Variants in PRKDC observed in about 807,000 individuals in gnomAD.
PRKDC encodes DNA-dependent protein kinase catalytic subunit.
A neutral mutation model predicts 486.9 loss-of-function variants in PRKDC; 82 were observed. The observed-to-expected ratio is 0.17, with a 90% CI of 0.14 to 0.20. PRKDC has a LOEUF of 0.20. Ranked by LOEUF, PRKDC falls within the 10% of genes least tolerant of loss-of-function variation. The probability of loss-of-function intolerance (pLI) is 1.00; values close to 1 mark genes in which losing one functional copy is unlikely to be tolerated. For synonymous variants in PRKDC, 1,895 were observed against 1,837.0 expected (o/e 1.03, Z -0.81); for missense variants, 4,504 against 5,038.2 (o/e 0.89, Z 3.21).
intron 56 of PRKDC, among the ~76,000 whole-genome samples, chr8:47,838,563 A>C (rs892209517): frequency 2.0e-5 from 3 of 152,138 alleles, no homozygotes; most frequent in Non-Finnish European, 4.4e-5. Flanking sequence ...AGTGAGCTAC[A>C]GTTACACTAC....
rs371346677 is a variant in PRKDC, at chr8:47,836,434, G to C, written c.7855C>G (p.Arg2619Gly). 1.2e-6 allele frequency: 2 copies of C among 1,612,940 alleles called. No individual in the cohort carries two copies. Among genetic ancestry groups the C allele is most frequent in the East Asian group, 4.5e-5 (2 of 44,852 alleles). Residue 2619 changes from arginine (R) to glycine (G), a missense_variant, in exon 58 of 86, where the codon CGT becomes GGT. By Grantham distance (125) the Arg-to-Gly change is moderately radical. Coordinates refer to ENST00000314191, the MANE Select transcript of PRKDC (RefSeq NM_006904.7). ...TQASQGTLQT[R>G]TQEGSLSARW... ...GCTGAGAGGGACCCTTCCTGGGTAC[G>C]GGTCTGGAGAGTGCCCTGGGAGGCC...
intron 63 of PRKDC, among the ~76,000 whole-genome samples, chr8:47,825,541 T>TAAAAAAAAAA (rs2087720243): frequency 7.8e-6 from 1 of 128,536 alleles, no homozygotes; most frequent in African/African-American, 3.1e-5. Context: ...AAAGCTAAAC[T>TAAAAAAAAAA]ATGTTCACAA....
chr8:47,870,443 T>C (rs1002620662), intron 40 of PRKDC, among the ~76,000 whole-genome samples: 2 of 152,196 alleles, frequency 1.3e-5, no homozygotes, highest in African/African-American at 4.8e-5. Flanking sequence ...ACCACTAAGG[T>C]GGTACCTCTA....
At chr8:47,825,053 TCAG>T (rs1248919333) in intron 63 of PRKDC, among the ~76,000 whole-genome samples, 4 of 152,250 alleles carry the variant, frequency 2.6e-5, no homozygotes, top group South Asian at 4.1e-4. Context: ...GGGTAATAAA[TCAG>T]CAGTAAAGGT....
intron 40 of PRKDC, among the ~76,000 whole-genome samples, chr8:47,873,106 C>T (rs1186341073): frequency 6.6e-6 from 1 of 151,582 alleles, no homozygotes; most frequent in African/African-American, 2.4e-5. Flanking sequence ...ATAAATTGTA[C>T]AGCCAGTATG....
intron 30 of PRKDC, among the ~76,000 whole-genome samples, chr8:47,896,416 G>C (rs1327442719): frequency 2.0e-5 from 3 of 152,056 alleles, no homozygotes; most frequent in Non-Finnish European, 2.9e-5. Context: ...GGGAGGCCAA[G>C]GCGGGTGGAT....
intron 7 of PRKDC, among the ~76,000 whole-genome samples, chr8:47,953,131 ACT>A (rs2090652659): frequency 1.3e-5 from 2 of 151,340 alleles, no homozygotes; most frequent in Admixed American, 1.3e-4. Context: ...ACGGAGCGAG[ACT>A]CTGTTTAAAA....
chr8:47,789,609 G>A (rs983723622), intron 74 of PRKDC, among the ~76,000 whole-genome samples: 3 of 152,010 alleles, frequency 2.0e-5, no homozygotes, highest in African/African-American at 7.2e-5. Flanking sequence ...CAAATAAAAG[G>A]AAAACTACAG....
chr8:47,780,539 T>A (rs1407178443), intron 80 of PRKDC, among the ~76,000 whole-genome samples: 2 of 152,236 alleles, frequency 1.3e-5, no homozygotes, highest in Admixed American at 6.5e-5. Flanking sequence ...TTCAATCACT[T>A]CAGGTGAAAT....
chr8:47,812,867 C>G (rs964866429), intron 68 of PRKDC, among the ~76,000 whole-genome samples: 2 of 151,776 alleles, frequency 1.3e-5, no homozygotes, highest in Non-Finnish European at 2.9e-5. Context: ...AAAAAGAGAA[C>G]ACAAATAACC....
intron 21 of PRKDC, among the ~76,000 whole-genome samples, chr8:47,926,387 T>A (rs1384042437): frequency 6.6e-6 from 1 of 152,202 alleles, no homozygotes; most frequent in Non-Finnish European, 1.5e-5. Flanking sequence ...ACTTAATGTT[T>A]CCAAGCCAAT....
intron 29 of PRKDC, among the ~76,000 whole-genome samples, chr8:47,897,512 G>A (rs923064177): frequency 6.6e-6 from 1 of 152,142 alleles, no homozygotes; most frequent in Non-Finnish European, 1.5e-5. Context: ...TTTTTCATGT[G>A]GGGAAAAATT....
chr8:47,905,332 T>G (rs1448558696), intron 25 of PRKDC, among the ~76,000 whole-genome samples: 1 of 152,100 alleles, frequency 6.6e-6, no homozygotes, highest in African/African-American at 2.4e-5. Flanking sequence ...CCCAGCCCCA[T>G]TAGTTTCCTT....
chr8:47,847,874 AATAT>A (rs34432546), intron 54 of PRKDC, among the ~76,000 whole-genome samples: 39 of 146,228 alleles, frequency 2.7e-4, no homozygotes, highest in African/African-American at 7.2e-4. Flanking sequence ...GCGGCCAACA[AATAT>A]ATATATATAT....
intron 54 of PRKDC, among the ~76,000 whole-genome samples, chr8:47,846,349 G>A (rs1419564432): frequency 1.3e-5 from 2 of 150,884 alleles, no homozygotes; most frequent in Non-Finnish European, 2.9e-5. Flanking sequence ...CTGGGAGGCA[G>A]AGGTTGCAGT....
In PRKDC at chr8:47,807,219, T is replaced by C. The variant is rs2087231720; in HGVS notation, c.9665A>G (p.Glu3222Gly). The part of the protein sequence containing the change: ...GDPSDRMEVQ[E>G]QEEDISSLIR... ...CAGGGAGCTGATATCTTCTTCCTGC[T>C]CTTGCACTTCCATCCTGTCACTGGG... is the stretch of plus-strand genomic sequence containing the variant. Residue 3222 changes from glutamate to glycine, a missense_variant, in exon 69 of 86, where the codon GAG (glutamate) becomes GGG (glycine). Glu to Gly is a moderately conservative substitution (Grantham distance 98, BLOSUM62 -2). Coordinates refer to ENST00000314191, the MANE Select transcript of PRKDC (RefSeq NM_006904.7). 1 of 1,613,854 alleles carries C rather than the reference T, an allele frequency of 6.2e-7. No homozygotes were observed. Among genetic ancestry groups the C allele is most frequent in the South Asian group, 1.1e-5 (1 of 91,080 alleles).
intron 68 of PRKDC, among the ~76,000 whole-genome samples, chr8:47,810,449 T>G (rs2087303115): frequency 6.6e-6 from 1 of 152,242 alleles, no homozygotes; most frequent in African/African-American, 2.4e-5. Context: ...ACATAAGGTT[T>G]GGTATTATCC....
chr8:47,927,227 G>A lies in PRKDC; in HGVS notation c.2386C>T (p.Leu796=). Residue 796 remains leucine, a synonymous_variant, in exon 21 of 86, where the codon CTG becomes TTG. Transcript: ENST00000314191. ...QPYYKDILPC[L]DGYLKTSALS... is the part of the protein sequence containing the mutation. Reference sequence around the variant, plus strand: ...GCTGAAGTCTTCAGGTATCCATCCAGGCAGGGGAGAATGTCTTTGTAATAA... The same window carrying A: ...GCTGAAGTCTTCAGGTATCCATCCAAGCAGGGGAGAATGTCTTTGTAATAA... 2 of 1,613,742 alleles carry A rather than the reference G, an allele frequency of 1.2e-6. No individual in the cohort carries two copies. The highest frequency in any genetic ancestry group is 1.1e-5 in the South Asian group (1 of 91,048).
Position 47,820,827 on chromosome 8 carries a change from C to A in PRKDC, c.9228G>T (p.Ala3076=). Residue 3076 remains alanine (A), a synonymous_variant, in exon 66 of 86, where the codon GCG becomes GCT. Transcript: ENST00000314191. The stretch of plus-strand genomic sequence containing the variant: ...CTTGACTGTAATGAAGCTCTAGAAT[C>A]GCCTTCTGGAGCTCCCCGTGCATAG... ...DKAMHGELQK[A]ILELHYSQEL... is the part of the protein sequence containing the mutation. 6.2e-7 allele frequency: 1 copy of A among 1,613,318 alleles called. No homozygotes were observed. Among genetic ancestry groups the A allele is most frequent in the Non-Finnish European group, 8.5e-7 (1 of 1,179,508 alleles).
Sources: allele counts gnomAD v4.1 joint callset (sites outside exome capture counted in the v4.1 genomes callset), GRCh38; gene constraint gnomAD v4.1.1; transcripts MANE v1.5; gene names NCBI Gene and HGNC (gene_info 2026-07-23, HGNC 2026-07-21).